ALK: variants seen among roughly 807,000 people sequenced by gnomAD.
The protein encoded by ALK is ALK receptor tyrosine kinase.
ALK carries 74 observed loss-of-function variants against 163.1 expected under a neutral mutation model. The observed-to-expected ratio is 0.45, with a 90% CI of 0.38 to 0.55. ALK has a LOEUF of 0.55. ALK is among the 20% of genes least tolerant of loss of function. ALK has a pLI of 0.00. For missense variants in ALK, 2,063 were observed against 2,105.3 expected, an observed-to-expected ratio of 0.98 and a Z score of 0.39; for synonymous variants, 960 against 843.2, an observed-to-expected ratio of 1.14 and a Z score of -2.40.
chr2:29,736,340 T>C (rs576597623), intron 1 of ALK, among the ~76,000 whole-genome samples: 1 of 152,210 alleles, frequency 6.6e-6, no homozygotes, highest in South Asian at 2.1e-4. Context: ...TTTTCTTCTT[T>C]ATACTTTTCT....
At chr2:29,445,657 C>T (rs1218758335) in intron 4 of ALK, among the ~76,000 whole-genome samples, 2 of 151,958 alleles carry the variant, frequency 1.3e-5, no homozygotes, top group African/African-American at 4.8e-5. Context: ...TCTGTCTCTA[C>T]TAAAAATACA....
At chr2:29,216,762 G>A (rs991545615) in intron 23 of ALK, among the ~76,000 whole-genome samples, 7 of 151,174 alleles carry the variant, frequency 4.6e-5, no homozygotes, top group African/African-American at 1.7e-4. Context: ...TGTGGTTTGT[G>A]TAGGATGTGT....
chr2:29,722,458 T>G (rs542896282), intron 1 of ALK, among the ~76,000 whole-genome samples: 1 of 152,248 alleles, frequency 6.6e-6, no homozygotes, highest in Non-Finnish European at 1.5e-5. Flanking sequence ...GCCCTCTTCG[T>G]AAGACTTTAA....
At chr2:29,575,228 C>T (rs1034985903) in intron 3 of ALK, among the ~76,000 whole-genome samples, 2 of 152,096 alleles carry the variant, frequency 1.3e-5, no homozygotes, top group African/African-American at 2.4e-5. Context: ...AGAGAGGACA[C>T]CAGCAATGTA....
At chr2:29,834,514 A>G (rs1349457040) in intron 1 of ALK, among the ~76,000 whole-genome samples, 1 of 152,220 alleles carries the variant, frequency 6.6e-6, no homozygotes, top group Non-Finnish European at 1.5e-5. Context: ...AGTGAACAGT[A>G]AAGATTTTTC....
intron 3 of ALK, among the ~76,000 whole-genome samples, chr2:29,667,335 G>A (rs1329590842): frequency 6.6e-6 from 1 of 152,004 alleles, no homozygotes; most frequent in African/African-American, 2.4e-5. Context: ...ACTCTGGCCA[G>A]GACCTCCAGT....
chr2:29,312,207 GAT>G (rs1376961798), intron 8 of ALK, among the ~76,000 whole-genome samples: 1 of 152,104 alleles, frequency 6.6e-6, no homozygotes, highest in Non-Finnish European at 1.5e-5. Context: ...CAGATAAGAA[GAT>G]AATAATAGTA....
intron 9 of ALK, 63 bp from the exon 10 acceptor site, chr2:29,275,559 C>T: frequency 6.4e-7 from 1 of 1,551,592 alleles, no homozygotes; most frequent in African/African-American, 1.4e-5. Context: ...TAGGATTCAG[C>T]ATCCAGCAGG....
chr2:29,198,896 C>T (rs1198516923), intron 26 of ALK, among the ~76,000 whole-genome samples: 1 of 151,912 alleles, frequency 6.6e-6, no homozygotes, highest in Admixed American at 6.6e-5. Context: ...GATTTGTAGG[C>T]ACTCTTTATA....
At chr2:29,734,503 G>A (rs1464503966) in intron 1 of ALK, among the ~76,000 whole-genome samples, 1 of 152,078 alleles carries the variant, frequency 6.6e-6, no homozygotes, top group East Asian at 1.9e-4. Flanking sequence ...AGTTCAGTAG[G>A]AATAAGACAT....
intron 5 of ALK, among the ~76,000 whole-genome samples, chr2:29,342,194 T>C (rs1422039739): frequency 1.3e-5 from 2 of 152,138 alleles, no homozygotes; most frequent in African/African-American, 4.8e-5. Context: ...TGAACCCTTG[T>C]GTGTTGTTGG....
intron 3 of ALK, among the ~76,000 whole-genome samples, chr2:29,691,738 C>A (rs956817932): frequency 6.6e-6 from 1 of 152,062 alleles, no homozygotes; most frequent in Non-Finnish European, 1.5e-5. Flanking sequence ...GTGTATTGTG[C>A]GCATGTCAGC....
At chr2:29,857,274 T>A (rs553801562) in intron 1 of ALK, among the ~76,000 whole-genome samples, 2 of 152,302 alleles carry the variant, frequency 1.3e-5, no homozygotes, top group South Asian at 2.1e-4. Context: ...AGAGGATAGT[T>A]CTGCAACTTA....
At chr2:29,683,250 AC>A (rs1234405693) in intron 3 of ALK, among the ~76,000 whole-genome samples, 2 of 151,892 alleles carry the variant, frequency 1.3e-5, no homozygotes, top group Non-Finnish European at 2.9e-5. Flanking sequence ...GGTGGCGCAC[AC>A]CTGTAGTCCC....
At chr2:29,296,375 T>G (rs1666178379) in intron 9 of ALK, among the ~76,000 whole-genome samples, 1 of 152,224 alleles carries the variant, frequency 6.6e-6, no homozygotes, top group South Asian at 2.1e-4. Flanking sequence ...CAATTCCGAT[T>G]CCAACTTGCT....
At chr2:29,816,163 G>C (rs547295882) in intron 1 of ALK, among the ~76,000 whole-genome samples, 109 of 152,296 alleles carry the variant, frequency 7.2e-4, no homozygotes, top group Middle Eastern at 6.8e-3. Context: ...AAGCTTTCTA[G>C]TTAAGGAAAC....
In ALK at chr2:29,599,198, A is replaced by C. The variant is rs558620652; in HGVS notation, c.953-67082T>G. On this transcript the variant is annotated intron_variant, in intron 3 of 28. Coordinates refer to ENST00000389048, the MANE Select transcript of ALK (RefSeq NM_004304.5). ...ATATCTGACTCTGCAAAAAAAAAAA[A>C]AACACATTACACTCTGTCCTAGAGG... Among the ~76,000 whole-genome samples, 12 of 152,282 alleles carry C rather than the reference A, an allele frequency of 7.9e-5. No individual in the cohort carries two copies. In the South Asian group the frequency reaches 2.3e-3, roughly 29 times the overall value.
At chr2:29,276,687 G>A (rs1665556110) in intron 9 of ALK, among the ~76,000 whole-genome samples, 1 of 152,144 alleles carries the variant, frequency 6.6e-6, no homozygotes, top group African/African-American at 2.4e-5. Context: ...TAAAATGGAT[G>A]GACCTCAAAG....
Position 29,583,035 on chromosome 2 carries a change from G to GTTTTTTTTTT in ALK, c.953-50920_953-50919insAAAAAAAAAA, listed in dbSNP as rs10637189. Among the ~76,000 whole-genome samples, 52 of 108,082 alleles carry GTTTTTTTTTT rather than the reference G, an allele frequency of 4.8e-4. 2 individuals are homozygous for GTTTTTTTTTT. The highest frequency in any genetic ancestry group is 1.2e-3 in the East Asian group (5 of 4,170). The allele number at this position is 108,082 out of a possible 152,430, so 70.9% of individuals were successfully genotyped here. A position where few individuals can be genotyped will look rare whatever the true frequency, so the allele number is the denominator to read the frequency against. On this transcript the variant is annotated intron_variant, in intron 3 of 28. Transcript: ENST00000389048. ...GTGCCACCATGCCTGGCTAACTTTT[G>GTTTTTTTTTT]TTTTTTGTTTTTTTGTTTTTTTTAG...
Sources: gnomAD v4.1 joint callset for allele counts (sites outside exome capture counted in the v4.1 genomes callset) on GRCh38, gnomAD v4.1.1 for gene constraint, MANE v1.5 for transcripts, NCBI Gene and HGNC (gene_info 2026-07-23, HGNC 2026-07-21) for gene names.